TENM2: variants seen among roughly 807,000 people sequenced by gnomAD.
TENM2 encodes teneurin-2.
A neutral mutation model predicts 245.2 loss-of-function variants in TENM2; 52 were observed. The observed-to-expected ratio is 0.21, with a 90% CI of 0.17 to 0.27. TENM2 has a LOEUF of 0.27. Among genes scored for constraint, TENM2 ranks in the 10% least tolerant of loss-of-function variants. The probability of loss-of-function intolerance (pLI) is 1.00; values close to 1 mark genes in which losing one functional copy is unlikely to be tolerated. For missense variants in TENM2, 3,046 were observed against 3,666.8 expected (o/e 0.83, Z 4.37); for synonymous variants, 1,363 against 1,438.9 (o/e 0.95, Z 1.19).
At chr5:168,204,290 C>A in intron 18 of TENM2, 82 bp from the exon 21 acceptor site, 1 of 1,386,434 alleles carries the variant, frequency 7.2e-7, no homozygotes. Flanking sequence ...TAATTTGTCT[C>A]TTCCCCTCCC....
chr5:167,020,720 C>T, the TENM2 span, among the ~76,000 whole-genome samples: 2 of 152,138 alleles, frequency 1.3e-5, no homozygotes, highest in Non-Finnish European at 2.9e-5. Flanking sequence ...AAGGTTTGCC[C>T]AGAGTTTCTT....
At chr5:167,858,622 C>T (rs947731378) in intron 2 of TENM2, among the ~76,000 whole-genome samples, 1 of 151,732 alleles carries the variant, frequency 6.6e-6, no homozygotes, top group African/African-American at 2.4e-5. Context: ...TGGTGGTTGG[C>T]GCGGCTGCGC....
chr5:167,532,826 G>GTGTATATATATATA lies in TENM2; in HGVS notation c.502+157354_502+157355insGTATATATATATAT, dbSNP rs1554170577. Reference sequence around the variant, plus strand: ...TATTTGTGTGTATGTGTGTGTGTGTGTATATATATATATATATATGCTATC... The same window carrying GTGTATATATATATA: ...TATTTGTGTGTATGTGTGTGTGTGTGTGTATATATATATATATATATATATATATATATGCTATC... On this transcript the variant is annotated intron_variant, in intron 2 of 28. Coordinates refer to ENST00000518659, the Ensembl canonical transcript of TENM2. 3.0e-3 allele frequency among the ~76,000 whole-genome samples: 429 copies of GTGTATATATATATA among 144,526 alleles called. 1 individual carries two copies. Among genetic ancestry groups the GTGTATATATATATA allele is most frequent in the African/African-American group, 0.01 (400 of 38,622 alleles). The allele number at this position is 144,526 out of a possible 152,430, so 94.8% of individuals were successfully genotyped here.
intron 13 of TENM2, among the ~76,000 whole-genome samples, chr5:168,181,266 C>A (rs997110967): frequency 5.9e-5 from 9 of 152,216 alleles, no homozygotes; most frequent in African/African-American, 2.2e-4. Context: ...TGGTGAAGAA[C>A]CATTTTTTAA....
chr5:167,943,878 T>C lies in TENM2; in HGVS notation c.713-8710T>C, dbSNP rs138431641. Among the ~76,000 whole-genome samples the C allele has an allele frequency of 3.9e-5, 6 of 152,260 alleles. No individual in the cohort carries two copies. In the East Asian group the frequency reaches 7.7e-4, roughly 20 times the overall value. On this transcript the variant is annotated intron_variant, in intron 3 of 28. Transcript: ENST00000518659. ...CTCTCCCAGAGGAGGCCAAAATACC[T>C]AGGGTAATGTAGATTTACTGAAATG...
exon 1 of TENM2, chr5:167,284,871 A>G (rs368993727): frequency 1.3e-6 from 2 of 1,551,606 alleles, no homozygotes; most frequent in African/African-American, 2.7e-5. Context: ...CCGCTCTTTG[A>G]CCAGAGGACG....
chr5:167,258,246 TA>T, the TENM2 span, among the ~76,000 whole-genome samples: 1 of 147,654 alleles, frequency 6.8e-6, no homozygotes, highest in South Asian at 2.1e-4. Context: ...TATATATGTA[TA>T]TATATATATA....
chr5:167,131,659 T>G, the TENM2 span, among the ~76,000 whole-genome samples: 1 of 152,140 alleles, frequency 6.6e-6, no homozygotes, highest in Non-Finnish European at 1.5e-5. Flanking sequence ...AGGTGAGGAA[T>G]AGGAGAGCAA....
At chr5:167,700,949 TA>T (rs781480259) in intron 2 of TENM2, among the ~76,000 whole-genome samples, 2,287 of 79,854 alleles carry the variant, frequency 0.029, 52 homozygotes, top group African/African-American at 0.094. Context: ...TTATATTTCT[TA>T]AAAAAAAAAA....
chr5:167,980,060 C>T (rs969401367), intron 4 of TENM2, among the ~76,000 whole-genome samples: 16 of 152,116 alleles, frequency 1.1e-4, no homozygotes, highest in African/African-American at 3.6e-4. Flanking sequence ...ATTGTTGGAA[C>T]ACCAAACCTG....
intron 2 of TENM2, among the ~76,000 whole-genome samples, chr5:167,412,806 A>T (rs2127407561): frequency 6.6e-6 from 1 of 152,004 alleles, no homozygotes; most frequent in Admixed American, 6.6e-5. Flanking sequence ...CTGTCAGTTT[A>T]GTCATAGTTT....
chr5:168,001,362 C>T (rs1171064173), intron 5 of TENM2, among the ~76,000 whole-genome samples: 1 of 152,166 alleles, frequency 6.6e-6, no homozygotes, highest in Non-Finnish European at 1.5e-5. Context: ...GGCATAAGGC[C>T]ATCATTTGGC....
At chr5:167,825,700 C>T (rs1229976965) in intron 2 of TENM2, among the ~76,000 whole-genome samples, 1 of 152,004 alleles carries the variant, frequency 6.6e-6, no homozygotes, top group Non-Finnish European at 1.5e-5. Flanking sequence ...GTCAGGCTGG[C>T]CATGGAAACC....
At chr5:167,934,352 C>T (rs2151724053) in intron 3 of TENM2, among the ~76,000 whole-genome samples, 1 of 152,320 alleles carries the variant, frequency 6.6e-6, no homozygotes, top group African/African-American at 2.4e-5. Flanking sequence ...GAAAATAAGA[C>T]ATCCCTCCTC....
intron 5 of TENM2, among the ~76,000 whole-genome samples, chr5:167,997,995 C>T (rs1784177874): frequency 6.6e-6 from 1 of 152,212 alleles, no homozygotes; most frequent in South Asian, 2.1e-4. Flanking sequence ...TTGCATCTGA[C>T]TTTCTGGCCC....
intron 3 of TENM2, among the ~76,000 whole-genome samples, chr5:167,946,104 C>T (rs1477779505): frequency 6.6e-6 from 1 of 152,198 alleles, no homozygotes; most frequent in African/African-American, 2.4e-5. Flanking sequence ...GGAGATAAGT[C>T]ATTCTGTAGG....
the TENM2 span, among the ~76,000 whole-genome samples, chr5:167,106,889 G>A: frequency 3.9e-5 from 6 of 152,162 alleles, no homozygotes; most frequent in African/African-American, 1.2e-4. Flanking sequence ...GGGTTGCATA[G>A]AAGATAGTGC....
At chr5:167,934,417 T>C (rs1778533045) in intron 3 of TENM2, among the ~76,000 whole-genome samples, 1 of 152,226 alleles carries the variant, frequency 6.6e-6, no homozygotes, top group Non-Finnish European at 1.5e-5. Context: ...AAAATTGTTT[T>C]GGCTTCAGAC....
At chr5:167,576,035 T>C (rs976407057) in intron 2 of TENM2, among the ~76,000 whole-genome samples, 8 of 152,222 alleles carry the variant, frequency 5.3e-5, no homozygotes, top group African/African-American at 1.7e-4. Context: ...AAATATGTTG[T>C]CTGTATCATA....
Sources: gnomAD v4.1 joint callset for allele counts (sites outside exome capture counted in the v4.1 genomes callset) on GRCh38, gnomAD v4.1.1 for gene constraint, MANE v1.5 for transcripts, NCBI Gene and HGNC (gene_info 2026-07-23, HGNC 2026-07-21) for gene names.